Variants in ANO1 observed in about 807,000 individuals in gnomAD.
ANO1 encodes the protein anoctamin 1.
In ANO1, 59 loss-of-function variants were observed where a neutral mutation model predicts 124.0. That is an observed-to-expected ratio of 0.48 (90% CI 0.39 to 0.59). ANO1 has a LOEUF of 0.59. ANO1 is among the 20% of genes least tolerant of loss of function. ANO1 has a pLI of 0.00. For missense variants in ANO1, 1,059 were observed against 1,328.0 expected (o/e 0.80, Z 3.15); for synonymous variants, 529 against 532.0 (o/e 0.99, Z 0.08).
rs200695647 is a variant in ANO1, at chr11:70,088,036, C to T, written c.393C>T (p.Tyr131=). 246 of 1,474,542 alleles carry T rather than the reference C, an allele frequency of 1.7e-4. 1 individual carries two copies. The African/African-American group carries it at 3.2e-3, about 19-fold the overall frequency. 91.3% of individuals were successfully genotyped at this position (1,474,542 alleles called of 1,614,324 possible). A position where few individuals can be genotyped will look rare whatever the true frequency, so the allele number is the denominator to read the frequency against. ...EDDKRFRREE[Y]EGNLLEAGLE... ...ACAAGCGCTTCCGCAGGGAGGAGTA[C>T]GAGGGCAACCTCCTGGAGGCGGGCC... The change falls in exon 2 of 26, where the codon TAC becomes TAT. Residue 131 remains tyrosine, a synonymous_variant. Coordinates refer to ENST00000355303, the MANE Select transcript of ANO1 (RefSeq NM_018043.7).
chr11:70,177,158 C>T (rs905394074), intron 22 of ANO1, among the ~76,000 whole-genome samples: 3 of 152,222 alleles, frequency 2.0e-5, no homozygotes, highest in African/African-American at 7.2e-5. Context: ...TGCCTGAGTC[C>T]TGCACTTCGA....
intron 1 of ANO1, among the ~76,000 whole-genome samples, chr11:70,007,435 A>C (rs34835720): frequency 0.28 from 42,754 of 151,652 alleles, 6,549 homozygotes; most frequent in African/African-American, 0.41. Flanking sequence ...TGCCACCACA[A>C]CTGGCTAATT....
the ANO1 span, among the ~76,000 whole-genome samples, chr11:69,973,350 C>T: frequency 6.6e-6 from 1 of 152,230 alleles, no homozygotes; most frequent in Non-Finnish European, 1.5e-5. Flanking sequence ...CAAAAAATCA[C>T]TGTATCCTCA....
chr11:70,118,822 A>G (rs1590783031), intron 8 of ANO1, among the ~76,000 whole-genome samples: 1 of 150,882 alleles, frequency 6.6e-6, no homozygotes, highest in Admixed American at 6.6e-5. Flanking sequence ...TGAATGGTGG[A>G]TGATGGGTGG....
intron 1 of ANO1, among the ~76,000 whole-genome samples, chr11:70,032,946 A>G (rs1857028657): frequency 6.6e-6 from 1 of 151,836 alleles, no homozygotes; most frequent in African/African-American, 2.4e-5. Context: ...CTGAACCACC[A>G]CAGAAGGAAT....
intron 11 of ANO1, among the ~76,000 whole-genome samples, chr11:70,147,838 C>T (rs1467725277): frequency 6.6e-6 from 1 of 152,200 alleles, no homozygotes; most frequent in East Asian, 1.9e-4. Flanking sequence ...GAAACGGATG[C>T]CAGCTCCTGC....
At chr11:70,033,084 C>T (rs1199996055) in intron 1 of ANO1, among the ~76,000 whole-genome samples, 6 of 152,120 alleles carry the variant, frequency 3.9e-5, no homozygotes, top group Non-Finnish European at 5.9e-5. Flanking sequence ...GTCTCCAGCT[C>T]GATGGGTGTG....
intron 1 of ANO1, among the ~76,000 whole-genome samples, chr11:70,002,219 G>A (rs188881093): frequency 6.6e-6 from 1 of 152,018 alleles, no homozygotes; most frequent in Non-Finnish European, 1.5e-5. Flanking sequence ...GGGAGACCAA[G>A]GCAGGTGGAT....
chr11:70,037,754 C>T (rs1857118247), intron 1 of ANO1, among the ~76,000 whole-genome samples: 1 of 152,150 alleles, frequency 6.6e-6, no homozygotes, highest in Non-Finnish European at 1.5e-5. Flanking sequence ...TTGTTGAGTA[C>T]TCACTAGGCG....
At chr11:70,031,854 T>G (rs1371109305) in intron 1 of ANO1, among the ~76,000 whole-genome samples, 2 of 152,200 alleles carry the variant, frequency 1.3e-5, no homozygotes, top group Non-Finnish European at 2.9e-5. Flanking sequence ...GCAAGCCTCC[T>G]CTGGCATCAG....
In ANO1 at chr11:70,182,537, G is replaced by A. The variant is rs140131906; in HGVS notation, c.2439G>A (p.Pro813=). The A allele has an allele frequency of 3.6e-5, 58 of 1,605,106 alleles. No individual in the cohort carries two copies. The highest frequency in any genetic ancestry group is 2.9e-4 in the East Asian group (13 of 44,332). The part of the protein sequence containing the change: ...FVISFTSDFI[P]RLVYLYMYSK... ...TCTCCTTCACGTCTGACTTCATCCCGCGCCTGGTGTACCTCTACATGTACA... is the reference window on the plus strand; with the variant it reads ...TCTCCTTCACGTCTGACTTCATCCCACGCCTGGTGTACCTCTACATGTACA... The change falls in exon 24 of 26, where the codon CCG becomes CCA. Residue 813 remains proline, a synonymous_variant. Transcript: ENST00000355303.
chr11:70,108,272 CTCTCCAGCCACAGCAGACTGTT>C, intron 5 of ANO1, 59 bp from the exon 6 acceptor site: 1 of 1,419,884 alleles, frequency 7.0e-7, no homozygotes, highest in Non-Finnish European at 9.9e-7. Context: ...TGACCAGGTC[CTCTCCAGCCACAGCAGACTGTT>C]TCTGCTCGTG....
At chr11:69,970,555 G>A in the ANO1 span, among the ~76,000 whole-genome samples, 1 of 152,130 alleles carries the variant, frequency 6.6e-6, no homozygotes, top group Non-Finnish European at 1.5e-5. Context: ...TTTACATAAG[G>A]GGAACTCTGT....
At chr11:70,175,926 T>C (rs1435472092) in intron 22 of ANO1, among the ~76,000 whole-genome samples, 1 of 152,102 alleles carries the variant, frequency 6.6e-6, no homozygotes, top group Admixed American at 6.5e-5. Context: ...AGAGTCAAAC[T>C]CTGTCAAATA....
chr11:70,122,436 A>C (rs1346459326), intron 8 of ANO1, among the ~76,000 whole-genome samples: 1,046 of 35,350 alleles, frequency 0.03, no homozygotes, highest in Middle Eastern at 0.05. Context: ...GTCTCTCTCC[A>C]CCTCCCCACC....
intron 2 of ANO1, among the ~76,000 whole-genome samples, chr11:70,089,425 A>T (rs2044531858): frequency 6.6e-6 from 1 of 152,170 alleles, no homozygotes; most frequent in Admixed American, 6.5e-5. Context: ...GTTTTGTGAC[A>T]AGTAGATATG....
chr11:70,085,677 C>A, intron 1 of ANO1: 1 of 1,470,760 alleles, frequency 6.8e-7, no homozygotes, highest in Non-Finnish European at 9.0e-7. Flanking sequence ...AAAGGTGGGG[C>A]AGCCCCCAAC....
At chr11:70,165,625 T>C (rs1354651000) in intron 20 of ANO1, 55 bp downstream of exon 20, 2 of 1,462,194 alleles carry the variant, frequency 1.4e-6, no homozygotes, top group Non-Finnish European at 1.9e-6. Flanking sequence ...CGGAGGGGTG[T>C]GTGGGTGGCT....
At chr11:70,153,913 G>A (rs894318060) in intron 14 of ANO1, among the ~76,000 whole-genome samples, 1 of 151,912 alleles carries the variant, frequency 6.6e-6, no homozygotes, top group Admixed American at 6.6e-5. Context: ...CTACAGGCGC[G>A]TACCACCGTG....
Sources: allele counts gnomAD v4.1 joint callset (sites outside exome capture counted in the v4.1 genomes callset), GRCh38; gene constraint gnomAD v4.1.1; transcripts MANE v1.5; gene names NCBI Gene and HGNC (gene_info 2026-07-23, HGNC 2026-07-21).